The following NWD2 variants were observed in gnomAD, a reference collection of about 807,000 sequenced individuals.
The protein encoded by NWD2 is NACHT and WD repeat domain-containing protein 2.
NWD2 carries 37 observed loss-of-function variants against 132.7 expected under a neutral mutation model. The observed-to-expected ratio is 0.28, with a 90% CI of 0.21 to 0.37. The LOEUF is 0.37. Among genes scored for constraint, NWD2 ranks in the 10% least tolerant of loss-of-function variants. The pLI is 1.00. For missense variants in NWD2, 1,592 were observed against 2,122.4 expected (o/e 0.75, Z 4.91); for synonymous variants, 705 against 803.0 (o/e 0.88, Z 2.06).
Position 37,444,603 on chromosome 4 carries a change from A to G in NWD2, c.2615A>G (p.Lys872Arg). ...ATGATCAAAATTGGCCAGTTTGACA[A>G]AGTGCTTTCAGACATTGAGCTGGCT... ...YTMIKIGQFD[K>R]VLSDIELAYN... The change falls in exon 7 of 7, where the codon AAA becomes AGA. Residue 872 changes from lysine (K) to arginine (R), a missense_variant. By Grantham distance (26) the Lys-to-Arg change is conservative. Around this residue, in one of 7 missense-constraint regions of NWD2, gnomAD observed 1,071 missense variants for 1,398.0 expected, o/e 0.77. Coordinates refer to ENST00000309447, the MANE Select transcript of NWD2 (RefSeq NM_001144990.2). This position sits in a 1 kb window ranked among gnomAD's most constrained non-coding sequence, Gnocchi z 4.8. 6.4e-7 allele frequency: 1 copy of G among 1,552,024 alleles called. No homozygotes were observed. The highest frequency in any genetic ancestry group is 8.7e-7 in the Non-Finnish European group (1 of 1,147,080).
At chr4:37,326,063 T>C (rs1386947660) in intron 2 of NWD2, 39 bp downstream of exon 2, 2 of 1,236,204 alleles carry the variant, frequency 1.6e-6, no homozygotes, top group Admixed American at 4.2e-5. Flanking sequence ...TTATGTCCAG[T>C]TAAATAACTA....
chr4:37,244,761 T>G lies in NWD2; in HGVS notation c.-307T>G, dbSNP rs2109252138. On this transcript the variant is annotated 5_prime_UTR_variant, in exon 1 of 7. Transcript: ENST00000309447. This position sits in a 1 kb window ranked among gnomAD's most constrained non-coding sequence, Gnocchi z 5.5. ...CCGGCGCAAACGGGCGCTGCGCGCG[T>G]AGCCGCCGCCACGCTGACCTCCCGC... The G allele has an allele frequency of 3.4e-6, 1 of 298,408 alleles. No individual in the cohort carries two copies. Among genetic ancestry groups the G allele is most frequent in the Non-Finnish European group, 6.2e-6 (1 of 162,446 alleles). The allele number at this position is 298,408 out of a possible 1,614,324, so 18.5% of individuals were successfully genotyped here. A position where few individuals can be genotyped will look rare whatever the true frequency, so the allele number is the denominator to read the frequency against.
At chr4:37,372,500 G>C (rs1236632361) in intron 3 of NWD2, among the ~76,000 whole-genome samples, 1 of 152,194 alleles carries the variant, frequency 6.6e-6, no homozygotes, top group South Asian at 2.1e-4. Context: ...TTTTCAATTT[G>C]TCTTCACTCA....
intron 1 of NWD2, among the ~76,000 whole-genome samples, chr4:37,320,282 C>T (rs1049862027): frequency 1.3e-5 from 2 of 152,172 alleles, no homozygotes; most frequent in African/African-American, 4.8e-5. Context: ...TTAGAGGATA[C>T]ATGGTGATCA....
intron 2 of NWD2, among the ~76,000 whole-genome samples, chr4:37,344,412 G>T (rs1283263355): frequency 6.6e-6 from 1 of 152,032 alleles, no homozygotes; most frequent in African/African-American, 2.4e-5. Context: ...AAAGCTGGAG[G>T]CAGGAGAATA....
intron 2 of NWD2, among the ~76,000 whole-genome samples, chr4:37,332,456 GAA>G (rs34529414): frequency 0.036 from 4,727 of 130,472 alleles, 235 homozygotes; most frequent in African/African-American, 0.13. Flanking sequence ...CTGCTGCCTT[GAA>G]AAAAAAAAAA....
At chr4:37,322,502 G>C (rs903437648) in intron 1 of NWD2, among the ~76,000 whole-genome samples, 2 of 152,176 alleles carry the variant, frequency 1.3e-5, no homozygotes, top group African/African-American at 4.8e-5. Context: ...AGTGCTTCTG[G>C]AGGGACATAA....
chr4:37,247,601 A>G (rs543218069), intron 1 of NWD2, among the ~76,000 whole-genome samples: 1 of 143,288 alleles, frequency 7.0e-6, no homozygotes, highest in South Asian at 2.2e-4. Context: ...AATAGATAAT[A>G]GAATGAATAG....
At chr4:37,270,835 A>G (rs1717857861) in intron 1 of NWD2, among the ~76,000 whole-genome samples, 1 of 151,850 alleles carries the variant, frequency 6.6e-6, no homozygotes, top group Non-Finnish European at 1.5e-5. Flanking sequence ...TCCTATTTCA[A>G]AGTAGCAATT....
intron 1 of NWD2, among the ~76,000 whole-genome samples, chr4:37,318,743 T>C (rs559643832): frequency 6.6e-6 from 1 of 152,204 alleles, no homozygotes; most frequent in South Asian, 2.1e-4. Context: ...TTTATTATGT[T>C]CCTATGTTAA....
chr4:37,407,237 C>A (rs913267432), intron 3 of NWD2, among the ~76,000 whole-genome samples: 9 of 152,098 alleles, frequency 5.9e-5, no homozygotes, highest in Non-Finnish European at 8.8e-5. Flanking sequence ...AAAAAATGAA[C>A]CTGAACATAA....
At chr4:37,436,390 A>T (rs2109328163) in intron 5 of NWD2, among the ~76,000 whole-genome samples, 1 of 152,288 alleles carries the variant, frequency 6.6e-6, no homozygotes, top group South Asian at 2.1e-4. Context: ...TTGCCTTTGT[A>T]TCATAGCTCT....
chr4:37,433,073 A>G (rs2109326962), intron 4 of NWD2, among the ~76,000 whole-genome samples: 2 of 152,328 alleles, frequency 1.3e-5, no homozygotes, highest in South Asian at 4.1e-4. Flanking sequence ...GCAATGGGAA[A>G]TCATATCAGA....
intron 2 of NWD2, among the ~76,000 whole-genome samples, chr4:37,337,938 A>G (rs1041895913): frequency 1.6e-4 from 24 of 152,180 alleles, no homozygotes; most frequent in African/African-American, 4.8e-4. Context: ...TTAAAACTAG[A>G]TCCAAGCTGC....
intron 1 of NWD2, among the ~76,000 whole-genome samples, chr4:37,252,602 G>A (rs1337941261): frequency 6.6e-6 from 1 of 152,202 alleles, no homozygotes; most frequent in Non-Finnish European, 1.5e-5. Context: ...ATGGGGTATT[G>A]AATTGAGTTA....
intron 1 of NWD2, among the ~76,000 whole-genome samples, chr4:37,318,711 A>G (rs1423716019): frequency 6.7e-6 from 1 of 148,912 alleles, no homozygotes; most frequent in Non-Finnish European, 1.5e-5. Flanking sequence ...ATTATGTAAA[A>G]TTATAATAAT....
intron 1 of NWD2, among the ~76,000 whole-genome samples, chr4:37,287,103 A>G (rs1250374972): frequency 5.9e-5 from 9 of 152,236 alleles, no homozygotes; most frequent in Admixed American, 4.6e-4. Flanking sequence ...AGGGAGGCAC[A>G]GAGTGAGTAT....
At chr4:37,318,296 G>T (rs1718999657) in intron 1 of NWD2, among the ~76,000 whole-genome samples, 1 of 152,070 alleles carries the variant, frequency 6.6e-6, no homozygotes, top group African/African-American at 2.4e-5. Context: ...AAAGTGCTGG[G>T]ATTACAGGCA....
At chr4:37,422,634 T>C (rs1711854491) in intron 3 of NWD2, among the ~76,000 whole-genome samples, 1 of 152,250 alleles carries the variant, frequency 6.6e-6, no homozygotes, top group African/African-American at 2.4e-5. Flanking sequence ...GTTTATATAG[T>C]GCTACTTTAT....
Sources: allele counts gnomAD v4.1 joint callset (sites outside exome capture counted in the v4.1 genomes callset), GRCh38; gene constraint gnomAD v4.1.1; regional missense constraint gnomAD v4.1.1; non-coding constraint Gnocchi (gnomAD v3.1); transcripts MANE v1.5; gene names NCBI Gene and HGNC (gene_info 2026-07-23, HGNC 2026-07-21).